The following FAM118B variants were observed in gnomAD, a reference collection of about 807,000 sequenced individuals.
FAM118B encodes SIR2 antiphage like 1.
FAM118B carries 24 observed loss-of-function variants against 38.5 expected under a neutral mutation model. The ratio of observed to expected loss-of-function variants is 0.62; its 90% CI spans 0.45 to 0.88. The LOEUF (loss-of-function observed/expected upper bound fraction) is 0.88, where lower values mean the gene tolerates loss of function less well. Ranked by LOEUF, FAM118B falls within the 40% of genes least tolerant of loss-of-function variation. The pLI is 0.00. For synonymous variants in FAM118B, 138 were observed against 156.3 expected (o/e 0.88, Z 0.87); for missense variants, 334 against 420.0 (o/e 0.80, Z 1.79).
At chr11:126,248,358 C>CTT (rs1167017613) in intron 4 of FAM118B, among the ~76,000 whole-genome samples, 2,679 of 36,880 alleles carry the variant, frequency 0.073, 1,192 homozygotes, top group Middle Eastern at 0.22. Context: ...TAGTAGTTGA[C>CTT]TTTTTTTTTT....
rs764134231 is a variant in FAM118B at position 126,262,070 on chromosome 11, A to T, written c.1043-50A>T. ...TAAGTATCTGCAGCTTCCAATGTAT[A>T]AACCTGTTTTGTGAAACTTCATTTT... On this transcript the variant is annotated intron_variant, in intron 8 of 8. Coordinates refer to ENST00000533050, the MANE Select transcript of FAM118B (RefSeq NM_024556.4). 9 of 1,605,702 alleles carry T rather than the reference A, an allele frequency of 5.6e-6. 1 individual carries two copies. The South Asian group carries it at 9.9e-5, about 18-fold the overall frequency.
intron 4 of FAM118B, among the ~76,000 whole-genome samples, chr11:126,247,909 C>T (rs988456575): frequency 7.0e-6 from 1 of 143,294 alleles, no homozygotes. Flanking sequence ...ATACGTATAT[C>T]TATATAGATA....
At chr11:126,233,228 C>A (rs1950229726) in intron 2 of FAM118B, among the ~76,000 whole-genome samples, 1 of 152,160 alleles carries the variant, frequency 6.6e-6, no homozygotes, top group African/African-American at 2.4e-5. Context: ...GTAATCCCAA[C>A]ACTTTGGGAG....
At chr11:126,213,695 A>T (rs1303361242) in intron 1 of FAM118B, among the ~76,000 whole-genome samples, 2 of 152,150 alleles carry the variant, frequency 1.3e-5, no homozygotes, top group Admixed American at 1.3e-4. Context: ...CCCTAACCTT[A>T]TGGCATTCAA....
chr11:126,232,689 A>G (rs1950223489), intron 2 of FAM118B, among the ~76,000 whole-genome samples: 1 of 151,862 alleles, frequency 6.6e-6, no homozygotes. Flanking sequence ...AAGTTTTTTA[A>G]AGTTTTTTTA....
intron 1 of FAM118B, chr11:126,214,153 C>G (rs1277787193): frequency 1.3e-5 from 2 of 151,362 alleles, no homozygotes; most frequent in East Asian, 1.9e-4. Flanking sequence ...TCGAGACCAT[C>G]CTGGCTAACA....
chr11:126,245,778 C>G (rs750523822), intron 4 of FAM118B, among the ~76,000 whole-genome samples: 20 of 152,200 alleles, frequency 1.3e-4, no homozygotes, highest in Non-Finnish European at 2.4e-4. Flanking sequence ...AGGCGGATCA[C>G]CTGAGGTCGG....
chr11:126,225,974 C>CT (rs1950134855), intron 1 of FAM118B, among the ~76,000 whole-genome samples: 1 of 152,186 alleles, frequency 6.6e-6, no homozygotes, highest in Non-Finnish European at 1.5e-5. Context: ...GAGTGAGACT[C>CT]TGTCTCAAGA....
Position 126,249,731 on chromosome 11 carries a change from C to CAAAAAAAAAAA in FAM118B, c.340-762_340-752dup, listed in dbSNP as rs71048775. Among the ~76,000 whole-genome samples, 76 of 78,826 alleles carry CAAAAAAAAAAA rather than the reference C, an allele frequency of 9.6e-4. 2 individuals carry two copies. Among genetic ancestry groups the CAAAAAAAAAAA allele is most frequent in the Non-Finnish European group, 1.2e-3 (52 of 43,450 alleles). The allele number at this position is 78,826 out of a possible 152,430, so 51.7% of individuals were successfully genotyped here. A position where few individuals can be genotyped will look rare whatever the true frequency, so the allele number is the denominator to read the frequency against. On this transcript the variant is annotated intron_variant, in intron 4 of 8. Coordinates refer to ENST00000533050, the MANE Select transcript of FAM118B (RefSeq NM_024556.4). ...TGGGTGACAGAATGAGACTCCGTCT[C>CAAAAAAAAAAA]AAAAAAAAAAAAAAAAAAAAAAAGA...
At chr11:126,248,357 A>ATTTT (rs1565336951) in intron 4 of FAM118B, among the ~76,000 whole-genome samples, 18 of 23,718 alleles carry the variant, frequency 7.6e-4, no homozygotes, top group Non-Finnish European at 1.0e-3. Flanking sequence ...ATAGTAGTTG[A>ATTTT]CTTTTTTTTT....
chr11:126,235,121 A>G (rs1565330777), intron 3 of FAM118B, 34 bp downstream of exon 3: 1 of 1,586,628 alleles, frequency 6.3e-7, no homozygotes, highest in East Asian at 2.2e-5. Context: ...AGAGTAAATT[A>G]CCATTAGTGG....
chr11:126,251,761 C>T (rs1255709240), intron 5 of FAM118B, among the ~76,000 whole-genome samples: 7 of 134,188 alleles, frequency 5.2e-5, no homozygotes, highest in South Asian at 2.3e-4. Context: ...GAGACAGTTT[C>T]GCTCTTGTTG....
At chr11:126,232,868 C>T (rs2135152272) in intron 2 of FAM118B, among the ~76,000 whole-genome samples, 1 of 152,154 alleles carries the variant, frequency 6.6e-6, no homozygotes, top group East Asian at 1.9e-4. Context: ...AAGTGAGTCA[C>T]ATAAGTTAAA....
Position 126,256,682 on chromosome 11 carries a change from AC to A in FAM118B, c.814del (p.Leu272Ter). 1 of 1,614,142 alleles carries A rather than the reference AC, an allele frequency of 6.2e-7. No individual in the cohort carries two copies. Among genetic ancestry groups the A allele is most frequent in the Non-Finnish European group, 8.5e-7 (1 of 1,180,020 alleles). On this transcript the variant is annotated frameshift_variant, in exon 7 of 9. Coordinates refer to ENST00000533050, the MANE Select transcript of FAM118B (RefSeq NM_024556.4). LOFTEE classifies it high-confidence loss of function. This position sits in a 1 kb window ranked among gnomAD's most constrained non-coding sequence, Gnocchi z 6.6. ...LFLEAVKHKS[D>X]LEHFMLVRRG... ...TTGGAGGCTGTCAAGCATAAATCTG[AC>A]CTAGAACATTTCATGCTGGTTCGGA...
At chr11:126,228,295 T>C (rs1235783281) in intron 1 of FAM118B, among the ~76,000 whole-genome samples, 1 of 150,790 alleles carries the variant, frequency 6.6e-6, no homozygotes, top group East Asian at 2.0e-4. Context: ...GCCTCCTGGG[T>C]TCAAGCAGTT....
At chr11:126,212,337 C>G (rs920221829) in intron 1 of FAM118B, among the ~76,000 whole-genome samples, 1 of 152,186 alleles carries the variant, frequency 6.6e-6, no homozygotes, top group African/African-American at 2.4e-5. Context: ...CCTACCTTCC[C>G]TACTCCTCCT....
intron 4 of FAM118B, among the ~76,000 whole-genome samples, chr11:126,247,731 A>C (rs1304795374): frequency 2.0e-5 from 3 of 151,514 alleles, no homozygotes; most frequent in Non-Finnish European, 4.4e-5. Flanking sequence ...GGTGGCAGGC[A>C]CCTGTAATCC....
At chr11:126,237,214 C>CATTTT in intron 3 of FAM118B, among the ~76,000 whole-genome samples, 3 of 41,252 alleles carry the variant, frequency 7.3e-5, no homozygotes, top group African/African-American at 1.7e-4. Context: ...CCGCGCCTGG[C>CATTTT]CTTTTTTTTT....
At chr11:126,237,401 T>A (rs942584047) in intron 3 of FAM118B, among the ~76,000 whole-genome samples, 49 of 143,432 alleles carry the variant, frequency 3.4e-4, no homozygotes, top group African/African-American at 1.1e-3. Context: ...TTATTTTATT[T>A]ATTTATTTAT....
Sources: allele counts gnomAD v4.1 joint callset (sites outside exome capture counted in the v4.1 genomes callset), GRCh38; gene constraint gnomAD v4.1.1; non-coding constraint Gnocchi (gnomAD v3.1); transcripts MANE v1.5; gene names NCBI Gene and HGNC (gene_info 2026-07-23, HGNC 2026-07-21).